Variants in HAGHL observed in about 807,000 individuals in gnomAD.
HAGHL encodes the protein hydroxyacylglutathione hydrolase like.
Under a neutral mutation model 29.2 loss-of-function variants are expected in HAGHL, and 27 were observed. The observed-to-expected ratio is 0.92, with a 90% CI of 0.68 to 1.27. HAGHL has a LOEUF of 1.27. Among genes scored for constraint, HAGHL ranks in the 50% most tolerant of loss-of-function variants. HAGHL has a pLI of 0.00. For missense variants in HAGHL, 529 were observed against 405.5 expected (o/e 1.30, Z -2.62); for synonymous variants, 223 against 185.7 (o/e 1.20, Z -1.63).
In HAGHL at chr16:728,422, C is replaced by G. The variant is rs2041172690; in HGVS notation, c.395C>G (p.Ser132Trp). ...TGCCCGGACCCACCCGCCCTGTTCT[C>G]GGGTACCCGCAGCGCGGAGCGCGCC... ...DDCPDPPALFSGDALSVAGCG... is the reference protein window; with the variant it reads ...DDCPDPPALFWGDALSVAGCG... The change falls in exon 4 of 8, where the codon TCG becomes TGG. Residue 132 changes from serine to tryptophan, a missense_variant and splice_region_variant. Ser to Trp is a radical substitution (Grantham distance 177). Coordinates refer to ENST00000389703, the MANE Select transcript of HAGHL (RefSeq NM_032304.4). 1 of 1,469,114 alleles carries G rather than the reference C, an allele frequency of 6.8e-7. No individual in the cohort carries two copies. The allele number at this position is 1,469,114 out of a possible 1,614,324, so 91.0% of individuals were successfully genotyped here.
chr16:728,281 C>T, intron 3 of HAGHL, 35 bp from the exon 4 acceptor site: 1 of 1,515,970 alleles, frequency 6.6e-7, no homozygotes, highest in Non-Finnish European at 8.8e-7. Flanking sequence ...CCGGGTCCAC[C>T]CGCCCTCACA....
At position 729,688 on chromosome 16, in the gene HAGHL, C is replaced by T. The variant is rs1049212745; in HGVS notation, c.*232C>T. On this transcript the variant is annotated 3_prime_UTR_variant, in exon 8 of 8. Coordinates refer to ENST00000389703, the MANE Select transcript of HAGHL (RefSeq NM_032304.4). The stretch of plus-strand genomic sequence containing the variant: ...TGGGAAGTGGGGCACACGGGGCCTC[C>T]GAACTATGAATAAAGCTTTGAAAGG... The T allele has an allele frequency of 3.7e-5, 56 of 1,494,836 alleles. No individual in the cohort carries two copies. The highest frequency in any genetic ancestry group is 4.8e-5 in the Non-Finnish European group (54 of 1,127,346). 92.6% of individuals were successfully genotyped at this position (1,494,836 alleles called of 1,614,324 possible).
chr16:727,866 G>C (rs1328906106), intron 1 of HAGHL, 99 bp from the exon 2 acceptor site: 9 of 1,299,548 alleles, frequency 6.9e-6, no homozygotes, highest in South Asian at 6.4e-5. Context: ...CGCTCCCCGG[G>C]GCTCTGGCCG....
intron 5 of HAGHL, 60 bp from the exon 6 acceptor site, chr16:728,734 G>A: frequency 6.6e-7 from 1 of 1,518,008 alleles, no homozygotes; most frequent in African/African-American, 1.4e-5. Context: ...CAGGCCCCCG[G>A]CGCAAGCACT....
chr16:729,337 C>T lies in HAGHL; in HGVS notation c.730C>T (p.Leu244=), dbSNP rs1460571927. The T allele has an allele frequency of 6.5e-7, 1 of 1,534,712 alleles. No homozygotes were observed. Among genetic ancestry groups the T allele is most frequent in the Non-Finnish European group, 8.8e-7 (1 of 1,141,364 alleles). The change falls in exon 8 of 8, where the codon CTG becomes TTG. Residue 244 remains leucine (L), a synonymous_variant. Coordinates refer to ENST00000389703, the MANE Select transcript of HAGHL (RefSeq NM_032304.4). ...GGGCAAGGCGGTCCCCGCCGACGTCCTGGAGGCGCTATGCAAGGAGCGGGC... is the reference window on the plus strand; with the variant it reads ...GGGCAAGGCGGTCCCCGCCGACGTCTTGGAGGCGCTATGCAAGGAGCGGGC... ...FTGKAVPADV[L]EALCKERARF... is the part of the protein sequence containing the mutation.
rs1406814 is a variant in HAGHL, at chr16:728,024, T to C, written c.165T>C (p.His55=). 0.27 allele frequency: 438,155 copies of C among 1,593,728 alleles called. 75,608 individuals carry two copies. The highest frequency in any genetic ancestry group is 0.78 in the East Asian group (33,289 of 42,530). ...VSLTAVLTTH[H]HWDHARGNPE... ...TGACCGCTGTGCTGACCACCCACCA[T>C]CACTGGTGAGCGCCGGCGGGGCGCG... is the stretch of plus-strand genomic sequence containing the variant. Residue 55 remains histidine, a synonymous_variant, in exon 2 of 8, where the codon CAT becomes CAC. Coordinates refer to ENST00000389703, the MANE Select transcript of HAGHL (RefSeq NM_032304.4).
chr16:729,576 C>G lies in HAGHL; in HGVS notation c.*120C>G, dbSNP rs368368178. On this transcript the variant is annotated 3_prime_UTR_variant, in exon 8 of 8. Coordinates refer to ENST00000389703, the MANE Select transcript of HAGHL (RefSeq NM_032304.4). ...AGGCCCTGGCCAGCCATCTGCCCAGCCTCGGAGGGTGGGCAACCTGGTGCT... is the reference window on the plus strand; with the variant it reads ...AGGCCCTGGCCAGCCATCTGCCCAGGCTCGGAGGGTGGGCAACCTGGTGCT... 3.9e-6 allele frequency: 6 copies of G among 1,531,636 alleles called. No homozygotes were observed. The highest frequency in any genetic ancestry group is 4.9e-5 in the East Asian group (2 of 40,826). 94.9% of individuals were successfully genotyped at this position (1,531,636 alleles called of 1,614,324 possible).
At chr16:729,176 T>A (rs773491065) in intron 7 of HAGHL, 88 bp downstream of exon 7, 1 of 1,575,516 alleles carries the variant, frequency 6.3e-7, no homozygotes. Flanking sequence ...TGAGTGAGCA[T>A]CTCTGGCTTG....
Position 729,448 on chromosome 16 carries a change from C to A in HAGHL, c.841C>A (p.His281Asn), listed in dbSNP as rs780069630. The A allele has an allele frequency of 6.5e-7, 1 of 1,538,290 alleles. No individual in the cohort carries two copies. The highest frequency in any genetic ancestry group is 2.0e-5 in the Admixed American group (1 of 49,700). ...GTGGGGGCTCCTGAGTGCAGCCCCACACGACTGAGCCACCCAGACCCTCAC... is the reference window on the plus strand; with the variant it reads ...GTGGGGGCTCCTGAGTGCAGCCCCAAACGACTGAGCCACCCAGACCCTCAC... ...LQWGLLSAAP[H>N]D Residue 281 changes from histidine to asparagine, a missense_variant, in exon 8 of 8, where the codon CAC (histidine) becomes AAC (asparagine). His to Asn is a moderately conservative substitution (Grantham distance 68). Transcript: ENST00000389703.
rs779559290 is a variant in HAGHL, at chr16:728,771, CTCACCGAGCGCTCTT to C, written c.499-22_499-8del. The C allele has an allele frequency of 9.3e-6, 15 of 1,607,460 alleles. No homozygotes were observed. The South Asian group carries it at 1.7e-4, about 18-fold the overall frequency. ...TCCCCGCTTCCTGGCCGCGTGCGCG[CTCACCGAGCGCTCTT>C]CCTCCAGAAGGTGTTCTGCGGCCAC... is the stretch of plus-strand genomic sequence containing the variant. On this transcript the variant is annotated splice_region_variant and splice_polypyrimidine_tract_variant and intron_variant, in intron 5 of 7. Transcript: ENST00000389703.
intron 6 of HAGHL, 49 bp downstream of exon 6, chr16:728,944 G>A (rs2041214454): frequency 2.4e-6 from 2 of 837,780 alleles, no homozygotes; most frequent in East Asian, 4.8e-5. Flanking sequence ...GGAGGGAACA[G>A]GCTTCGGGGT....
Position 729,311 on chromosome 16 carries a change from CG to C in HAGHL, c.707del (p.Gly236AlafsTer41). The C allele has an allele frequency of 6.5e-7, 1 of 1,529,178 alleles. No individual in the cohort carries two copies. The highest frequency in any genetic ancestry group is 8.8e-7 in the Non-Finnish European group (1 of 1,138,678). The allele number at this position is 1,529,178 out of a possible 1,614,324, so 94.7% of individuals were successfully genotyped here. Reference sequence around the variant, plus strand: ...AGAGAGGAGCCGGTGCGCAAGTTCACGGGCAAGGCGGTCCCCGCCGACGTCC... The same window carrying C: ...AGAGAGGAGCCGGTGCGCAAGTTCACGGCAAGGCGGTCCCCGCCGACGTCC... The part of the protein sequence containing the change: ...RVAEEPVRKF[T>X]GKAVPADVLE... On this transcript the variant is annotated frameshift_variant, in exon 8 of 8. Transcript: ENST00000389703. LOFTEE classifies it low-confidence loss of function (END_TRUNC).
chr16:728,516 C>T lies in HAGHL; in HGVS notation c.410C>T (p.Ser137Leu), dbSNP rs1282636290. Residue 137 changes from serine to leucine, a missense_variant, in exon 5 of 8, where the codon TCG becomes TTG. Physicochemically the swap from Ser to Leu is moderately radical, Grantham distance 145. Transcript: ENST00000389703. ...PPALFSGDAL[S>L]VAGCGSCLEG... ...CCTCCCCCGCCAGGCGACGCGCTGT[C>T]GGTGGCCGGCTGCGGCTCGTGCCTG... The T allele has an allele frequency of 6.5e-6, 10 of 1,531,130 alleles. No individual in the cohort carries two copies. In the East Asian group the frequency reaches 2.2e-4, roughly 34 times the overall value. The allele number at this position is 1,531,130 out of a possible 1,614,324, so 94.8% of individuals were successfully genotyped here.
Position 728,194 on chromosome 16 carries a change from C to G in HAGHL, c.249C>G (p.Phe83Leu). 1 of 1,453,750 alleles carries G rather than the reference C, an allele frequency of 6.9e-7. No homozygotes were observed. 90.1% of individuals were successfully genotyped at this position (1,453,750 alleles called of 1,614,324 possible). The change falls in exon 3 of 8, where the codon TTC (phenylalanine) becomes TTG (leucine). Residue 83 changes from phenylalanine to leucine, a missense_variant. Physicochemically the swap from Phe to Leu is conservative, Grantham distance 22. Transcript: ENST00000389703. ...TGCTGGGCGCGGACGAGCGCATCTTCTCGCTGACGCGCAGGCTGGCGCACG... is the reference window on the plus strand; with the variant it reads ...TGCTGGGCGCGGACGAGCGCATCTTGTCGCTGACGCGCAGGCTGGCGCACG... ...LAVLGADERI[F>L]SLTRRLAHGE...
rs1596665506 is a variant in HAGHL, at chr16:729,332, A to ACGTCCTGGAGGCGCTATGCAAGGAG, written c.728_752dup (p.Ala252ProfsTer122). ...TTCACGGGCAAGGCGGTCCCCGCCG[A>ACGTCCTGGAGGCGCTATGCAAGGAG]CGTCCTGGAGGCGCTATGCAAGGAG... On this transcript the variant is annotated frameshift_variant, in exon 8 of 8. Coordinates refer to ENST00000389703, the MANE Select transcript of HAGHL (RefSeq NM_032304.4). LOFTEE classifies it low-confidence loss of function (END_TRUNC). 1 of 1,534,240 alleles carries ACGTCCTGGAGGCGCTATGCAAGGAG rather than the reference A, an allele frequency of 6.5e-7. No homozygotes were observed.
rs747918697 is a variant in HAGHL at position 728,927 on chromosome 16, T to TG, written c.600+40dup. Reference sequence around the variant, plus strand: ...CCCCTTTCCCGCCGCGGCAAGAGGGTGGGGGGGGAGGGAACAGGCTTCGGG... The same window carrying TG: ...CCCCTTTCCCGCCGCGGCAAGAGGGTGGGGGGGGGAGGGAACAGGCTTCGGG... On this transcript the variant is annotated intron_variant, in intron 6 of 7. Transcript: ENST00000389703. The TG allele has an allele frequency of 3.4e-3, 801 of 235,316 alleles. 1 individual carries two copies. Among genetic ancestry groups the TG allele is most frequent in the African/African-American group, 7.6e-3 (79 of 10,330 alleles). The allele number at this position is 235,316 out of a possible 1,614,324, so 14.6% of individuals were successfully genotyped here.
In HAGHL at chr16:728,022, C is replaced by A. The variant is rs2041117095; in HGVS notation, c.163C>A (p.His55Asn). ...VSLTAVLTTH[H>N]HWDHARGNPE... ...TCTGACCGCTGTGCTGACCACCCAC[C>A]ATCACTGGTGAGCGCCGGCGGGGCG... Residue 55 changes from histidine to asparagine, a missense_variant, in exon 2 of 8, where the codon CAT becomes AAT. His to Asn is a moderately conservative substitution (Grantham distance 68, BLOSUM62 1). Coordinates refer to ENST00000389703, the MANE Select transcript of HAGHL (RefSeq NM_032304.4). 1 of 1,597,492 alleles carries A rather than the reference C, an allele frequency of 6.3e-7. No individual in the cohort carries two copies.
At chr16:729,205 G>A in intron 7 of HAGHL, 83 bp from the exon 8 acceptor site, 18 of 1,555,548 alleles carry the variant, frequency 1.2e-5, no homozygotes, top group Non-Finnish European at 1.6e-5. Context: ...TGCTCATTAA[G>A]TGCCTGCCTG....
chr16:729,193 G>A, intron 7 of HAGHL, 95 bp from the exon 8 acceptor site: 1 of 1,564,534 alleles, frequency 6.4e-7, no homozygotes, highest in Non-Finnish European at 8.7e-7. Flanking sequence ...CTTGGGGGAG[G>A]CTGCTCATTA....
Sources: allele counts gnomAD v4.1 joint callset, GRCh38; gene constraint gnomAD v4.1.1; transcripts MANE v1.5; gene names NCBI Gene and HGNC (gene_info 2026-07-23, HGNC 2026-07-21).